ADAM7: variants seen among roughly 807,000 people sequenced by gnomAD.
ADAM7 encodes the protein disintegrin and metalloproteinase domain-containing protein 7.
In ADAM7, 97 loss-of-function variants were observed where a neutral mutation model predicts 102.9. That is an observed-to-expected ratio of 0.94 (90% CI 0.80 to 1.12). The LOEUF is 1.12. Among genes scored for constraint, ADAM7 ranks in the 50% most tolerant of loss-of-function variants. ADAM7 has a pLI of 0.00. For synonymous variants in ADAM7, 334 were observed against 304.4 expected (o/e 1.10, Z -1.01); for missense variants, 991 against 908.7 (o/e 1.09, Z -1.16).
At chr8:24,464,696 GT>G (rs1263877591) in intron 4 of ADAM7, among the ~76,000 whole-genome samples, 1 of 152,184 alleles carries the variant, frequency 6.6e-6, no homozygotes, top group East Asian at 1.9e-4. Flanking sequence ...CGCCTCCCAG[GT>G]TCAAGCGATT....
intron 8 of ADAM7, 124 bp downstream of exon 8, chr8:24,476,628 T>C (rs767332661): frequency 9.6e-5 from 57 of 592,898 alleles, no homozygotes; most frequent in Middle Eastern, 7.7e-4. Context: ...CAAAGACTAA[T>C]AAGCAAAAAT....
chr8:24,470,999 T>C (rs1410957185), intron 7 of ADAM7, among the ~76,000 whole-genome samples: 2 of 152,084 alleles, frequency 1.3e-5, no homozygotes, highest in African/African-American at 2.4e-5. Context: ...GGACAAGATA[T>C]GGAGGTGAAG....
intron 13 of ADAM7, 152 bp from the exon 14 acceptor site, chr8:24,491,751 C>T (rs1044655323): frequency 2.6e-5 from 15 of 580,998 alleles, no homozygotes; most frequent in Admixed American, 3.5e-5. Flanking sequence ...AACACATTGA[C>T]AAATGACAAT....
chr8:24,509,298 G>T lies in ADAM7; in HGVS notation c.*752G>T, dbSNP rs1821042585. 1.0e-6 allele frequency: 1 copy of T among 985,380 alleles called. No homozygotes were observed. Among genetic ancestry groups the T allele is most frequent in the South Asian group, 4.7e-5 (1 of 21,290 alleles). The allele number at this position is 985,380 out of a possible 1,614,324, so 61.0% of individuals were successfully genotyped here. ...AGGGTTTCTAAGGTCTTTGTCCTGT[G>T]CAATTTGACAATGTGCCATTTCTGT... is the stretch of plus-strand genomic sequence containing the variant. On this transcript the variant is annotated 3_prime_UTR_variant, in exon 22 of 22. Transcript: ENST00000175238.
chr8:24,504,458 C>T (rs927903961), intron 20 of ADAM7, among the ~76,000 whole-genome samples: 5 of 151,568 alleles, frequency 3.3e-5, no homozygotes, highest in Admixed American at 6.6e-5. Context: ...AAAAAAATAG[C>T]TGATGAAGAA....
chr8:24,495,013 G>A (rs1334262837), intron 16 of ADAM7, among the ~76,000 whole-genome samples: 3 of 152,136 alleles, frequency 2.0e-5, no homozygotes, highest in African/African-American at 4.8e-5. Flanking sequence ...GGAGGCTTAT[G>A]GGGAGTCAGG....
At position 24,455,094 on chromosome 8, in the gene ADAM7, T is replaced by C. The variant is rs917937985; in HGVS notation, c.233+7832T>C. 2.6e-5 allele frequency among the ~76,000 whole-genome samples: 4 copies of C among 152,136 alleles called. No individual in the cohort carries two copies. The South Asian group carries it at 8.3e-4, about 32-fold the overall frequency. ...TATTTCAAAACAACCACAAAATAAT[T>C]ATATTCTATTTACCTGTTGCATCTA... On this transcript the variant is annotated intron_variant, in intron 3 of 21. Transcript: ENST00000175238.
At chr8:24,448,129 G>T (rs1259849598) in intron 3 of ADAM7, among the ~76,000 whole-genome samples, 1 of 152,122 alleles carries the variant, frequency 6.6e-6, no homozygotes, top group Non-Finnish European at 1.5e-5. Flanking sequence ...TTTATTGAGA[G>T]ATTTCTATCT....
intron 21 of ADAM7, among the ~76,000 whole-genome samples, chr8:24,507,932 G>A (rs1821006995): frequency 6.6e-6 from 1 of 152,072 alleles, no homozygotes; most frequent in African/African-American, 2.4e-5. Flanking sequence ...TTTCCTTCAT[G>A]ATTCCTTTTT....
intron 3 of ADAM7, among the ~76,000 whole-genome samples, chr8:24,461,225 C>T (rs1450491113): frequency 6.6e-6 from 1 of 152,120 alleles, no homozygotes; most frequent in African/African-American, 2.4e-5. Flanking sequence ...ATCTCCTGAT[C>T]TCGTGATCCA....
chr8:24,488,937 G>C (rs1211137019), intron 11 of ADAM7, among the ~76,000 whole-genome samples: 1 of 152,104 alleles, frequency 6.6e-6, no homozygotes, highest in Non-Finnish European at 1.5e-5. Flanking sequence ...CTTCAGGAAG[G>C]ATTTGCTGGA....
At chr8:24,473,129 G>GT (rs1314789826) in intron 7 of ADAM7, among the ~76,000 whole-genome samples, 3 of 151,976 alleles carry the variant, frequency 2.0e-5, no homozygotes, top group Non-Finnish European at 4.4e-5. Flanking sequence ...TTTTACCAAA[G>GT]TTTTTTATAA....
intron 10 of ADAM7, among the ~76,000 whole-genome samples, chr8:24,485,910 A>G (rs939946221): frequency 7.2e-5 from 11 of 152,140 alleles, no homozygotes; most frequent in African/African-American, 2.7e-4. Flanking sequence ...GAAGGTTTCT[A>G]TTTATTTTCT....
chr8:24,465,753 A>G lies in ADAM7; in HGVS notation c.367A>G (p.Ile123Val), dbSNP rs1819403562. The G allele has an allele frequency of 2.5e-6, 4 of 1,610,630 alleles. No homozygotes were observed. The African/African-American group carries it at 5.3e-5, about 22-fold the overall frequency. ...ACACGAATATGATTCAGCTGCCAGT[A>G]TCAGTACGTGTAATGGTCTAAGGTA... ...IVHEYDSAAS[I>V]STCNGLRGFF... The change falls in exon 5 of 22, where the codon ATC becomes GTC. Residue 123 changes from isoleucine (I) to valine (V), a missense_variant. Transcript: ENST00000175238.
chr8:24,493,363 A>T, intron 16 of ADAM7, 134 bp downstream of exon 16: 1 of 764,224 alleles, frequency 1.3e-6, no homozygotes, highest in Non-Finnish European at 1.9e-6. Flanking sequence ...TTTTTTAATG[A>T]GGAGCAGAGT....
At chr8:24,451,859 T>C (rs375833349) in intron 3 of ADAM7, among the ~76,000 whole-genome samples, 6 of 150,774 alleles carry the variant, frequency 4.0e-5, no homozygotes, top group African/African-American at 1.2e-4. Flanking sequence ...GTCTTTGTTC[T>C]CGTTGGTTTC....
intron 3 of ADAM7, among the ~76,000 whole-genome samples, chr8:24,449,123 G>A (rs1818679875): frequency 6.6e-6 from 1 of 152,214 alleles, no homozygotes; most frequent in African/African-American, 2.4e-5. Context: ...ACTTGTGCCT[G>A]TGTCTTTATA....
In ADAM7 at chr8:24,447,294, G is replaced by T. The variant is rs749249172; in HGVS notation, c.233+32G>T. The T allele has an allele frequency of 4.7e-6, 6 of 1,274,040 alleles. No homozygotes were observed. The South Asian group carries it at 1.1e-4, about 24-fold the overall frequency. The allele number at this position is 1,274,040 out of a possible 1,614,324, so 78.9% of individuals were successfully genotyped here. A position where few individuals can be genotyped will look rare whatever the true frequency, so the allele number is the denominator to read the frequency against. ...TCTATTGTGATTCCAGTACCTTATA[G>T]ATTTTAGTAATTATGGTAAGCCAAT... On this transcript the variant is annotated intron_variant, in intron 3 of 21. Coordinates refer to ENST00000175238, the MANE Select transcript of ADAM7 (RefSeq NM_003817.4).
intron 3 of ADAM7, among the ~76,000 whole-genome samples, chr8:24,457,867 T>TGTGA (rs954283165): frequency 7.9e-5 from 12 of 150,950 alleles, no homozygotes; most frequent in Middle Eastern, 3.4e-3. Flanking sequence ...TGTGTGAGTG[T>TGTGA]GTGTGTGTGT....
Sources: gnomAD v4.1 joint callset for allele counts (sites outside exome capture counted in the v4.1 genomes callset) on GRCh38, gnomAD v4.1.1 for gene constraint, MANE v1.5 for transcripts, NCBI Gene and HGNC (gene_info 2026-07-23, HGNC 2026-07-21) for gene names.